Variants in GET1 observed in about 807,000 individuals in gnomAD.
GET1 encodes guided entry of tail-anchored proteins factor 1.
A neutral mutation model predicts 22.6 loss-of-function variants in GET1; 20 were observed. That is an observed-to-expected ratio of 0.89 (90% CI 0.62 to 1.29). The LOEUF (loss-of-function observed/expected upper bound fraction) is 1.29. Ranked by LOEUF, GET1 falls within the 50% of genes most tolerant of loss-of-function variation. The pLI, the probability that GET1 is intolerant of heterozygous loss-of-function variation, is 0.00. For synonymous variants in GET1, 92 were observed against 83.8 expected (o/e 1.10, Z -0.53); for missense variants, 209 against 219.9 (o/e 0.95, Z 0.31).
intron 4 of GET1, among the ~76,000 whole-genome samples, chr21:39,404,062 A>ACAGTT (rs2038922793): frequency 6.6e-6 from 1 of 152,234 alleles, no homozygotes; most frequent in Non-Finnish European, 1.5e-5. Flanking sequence ...AGCTGCCATT[A>ACAGTT]CAGTTAATAT....
chr21:39,396,225 G>T (rs977763323), intron 4 of GET1, among the ~76,000 whole-genome samples: 1 of 152,100 alleles, frequency 6.6e-6, no homozygotes, highest in African/African-American at 2.4e-5. Context: ...GTGAAACCGT[G>T]TCTGTACTAA....
chr21:39,419,829 T>C (rs1380246784), intron 1 of GET1, among the ~76,000 whole-genome samples: 2 of 152,214 alleles, frequency 1.3e-5, no homozygotes, highest in Non-Finnish European at 2.9e-5. Flanking sequence ...CTTATCTAAA[T>C]TGTTGGACAT....
chr21:39,400,721 G>A (rs764344601), downstream of GET1, among the ~76,000 whole-genome samples: 13 of 152,046 alleles, frequency 8.6e-5, no homozygotes, highest in African/African-American at 1.2e-4. Context: ...TGTGTGGGTC[G>A]GCTTTCCTGC....
chr21:39,389,856 T>G (rs1476515709), intron 1 of GET1, among the ~76,000 whole-genome samples: 1 of 152,184 alleles, frequency 6.6e-6, no homozygotes, highest in African/African-American at 2.4e-5. Context: ...TAGGACTGAA[T>G]TCTTCTGGGA....
rs899453917 is a variant in GET1, at chr21:39,397,662, A to G, written c.*723A>G. The G allele has an allele frequency of 1.5e-5, 2 of 136,396 alleles. No homozygotes were observed. The highest frequency in any genetic ancestry group is 5.3e-5 in the African/African-American group (2 of 37,504). The allele number at this position is 136,396 out of a possible 1,614,324, so 8.4% of individuals were successfully genotyped here. ...ATTTATGCTCTTTAGAATGGAACAC[A>G]GAAAACAAACCTTATAAGTCCTGAT... is the stretch of plus-strand genomic sequence containing the variant. On this transcript the variant is annotated 3_prime_UTR_variant, in exon 5 of 5. Coordinates refer to ENST00000649170, the MANE Select transcript of GET1 (RefSeq NM_004627.6).
chr21:39,387,641 C>CA (rs1196987916), intron 1 of GET1: 1 of 322,916 alleles, frequency 3.1e-6, no homozygotes, highest in Non-Finnish European at 4.5e-6. Context: ...CTGCAGTGAA[C>CA]ACGCTGCGCA....
chr21:39,410,058 T>C (rs1385059509), downstream of GET1: 1 of 1,611,492 alleles, frequency 6.2e-7, no homozygotes, highest in Admixed American at 1.7e-5. Flanking sequence ...TTTCAGTTGA[T>C]TTTTCTTTAT....
chr21:39,387,787 C>T, intron 1 of GET1: 1 of 985,632 alleles, frequency 1.0e-6, no homozygotes, highest in Non-Finnish European at 1.2e-6. Context: ...CCTCAGGCGA[C>T]TGGCGGGTCG....
At chr21:39,422,865 G>A in intron 1 of GET1, 1 of 994,860 alleles carries the variant, frequency 1.0e-6, no homozygotes. Context: ...AGCACGCCAA[G>A]TGAAGCAGTT....
intron 4 of GET1, among the ~76,000 whole-genome samples, chr21:39,396,649 G>C (rs2038669573): frequency 7.0e-6 from 1 of 143,848 alleles, no homozygotes; most frequent in African/African-American, 2.6e-5. Context: ...TCGCACCATT[G>C]CACTCCAGCC....
downstream of GET1, chr21:39,408,495 T>C (rs1000563144): frequency 2.6e-5 from 4 of 152,322 alleles, no homozygotes; most frequent in African/African-American, 9.6e-5. Context: ...GGAGACAGAC[T>C]AGGACCCCTG....
chr21:39,390,328 C>T (rs954649525), intron 1 of GET1, among the ~76,000 whole-genome samples: 3 of 152,086 alleles, frequency 2.0e-5, no homozygotes, highest in African/African-American at 7.2e-5. Context: ...GCATTCATGA[C>T]GGGAACTTAC....
chr21:39,418,336 C>A (rs942143377), intron 1 of GET1, among the ~76,000 whole-genome samples: 2 of 152,114 alleles, frequency 1.3e-5, no homozygotes, highest in Non-Finnish European at 2.9e-5. Flanking sequence ...CAAGATTCTT[C>A]ATTGCTGTTT....
chr21:39,390,606 G>T (rs1011614078), intron 1 of GET1, 92 bp from the exon 2 acceptor site: 188 of 1,510,252 alleles, frequency 1.2e-4, no homozygotes, highest in Non-Finnish European at 1.6e-4. Context: ...GTCACAGAGT[G>T]GTCAGGGCAT....
intron 1 of GET1, among the ~76,000 whole-genome samples, chr21:39,421,396 A>G (rs1431060201): frequency 2.0e-5 from 3 of 152,160 alleles, no homozygotes; most frequent in Admixed American, 6.5e-5. Context: ...GCCCGATTTA[A>G]ACATTCTGAC....
intron 1 of GET1, among the ~76,000 whole-genome samples, chr21:39,385,584 C>T (rs2037831250): frequency 6.6e-6 from 1 of 152,202 alleles, no homozygotes. Context: ...GGAACAAAGA[C>T]GCCTTTGGTG....
intron 2 of GET1, 49 bp from the exon 3 acceptor site, chr21:39,391,720 G>T (rs752127984): frequency 1.3e-6 from 2 of 1,558,534 alleles, no homozygotes; most frequent in South Asian, 1.1e-5. Context: ...TGAATATTTT[G>T]TTAATTTTTC....
At chr21:39,383,241 A>G (rs975601804) in intron 1 of GET1, among the ~76,000 whole-genome samples, 12 of 149,026 alleles carry the variant, frequency 8.1e-5, no homozygotes, top group Non-Finnish European at 1.8e-4. Flanking sequence ...GGCTTGTGCC[A>G]CCGCGCCCAG....
intron 1 of GET1, chr21:39,427,644 C>A (rs112256155): frequency 0.24 from 34,304 of 145,472 alleles, 4,448 homozygotes; most frequent in African/African-American, 0.36. Context: ...CCTGGGTAAC[C>A]AGAGCAAGAC....
Sources: allele counts gnomAD v4.1 joint callset (sites outside exome capture counted in the v4.1 genomes callset), GRCh38; gene constraint gnomAD v4.1.1; transcripts MANE v1.5; gene names NCBI Gene and HGNC (gene_info 2026-07-23, HGNC 2026-07-21).